The following COL8A1 variants were observed in gnomAD, a reference collection of about 807,000 sequenced individuals.
COL8A1 encodes the protein collagen type VIII alpha 1 chain.
In COL8A1, 21 loss-of-function variants were observed where a neutral mutation model predicts 42.7. The observed-to-expected ratio is 0.49, with a 90% CI of 0.35 to 0.71. The LOEUF (loss-of-function observed/expected upper bound fraction) is 0.71, where lower values mean the gene tolerates loss of function less well. COL8A1 is among the 30% of genes least tolerant of loss of function. The pLI is 0.01. For synonymous variants in COL8A1, 367 were observed against 369.1 expected, an observed-to-expected ratio of 0.99 and a Z score of 0.06; for missense variants, 788 against 962.4, an observed-to-expected ratio of 0.82 and a Z score of 2.40.
At chr3:99,725,838 A>C (rs1259183093) in intron 1 of COL8A1, among the ~76,000 whole-genome samples, 4 of 151,864 alleles carry the variant, frequency 2.6e-5, no homozygotes, top group African/African-American at 9.7e-5. Context: ...GGTTGGTTCC[A>C]AGTCTTTGCT....
At position 99,718,452 on chromosome 3, in the gene COL8A1, C is replaced by A. The variant is rs979819827; in HGVS notation, c.-128-26445C>A. On this transcript the variant is annotated intron_variant, in intron 1 of 3. Coordinates refer to ENST00000652472, the MANE Select transcript of COL8A1 (RefSeq NM_020351.4). ...GGAATCCTCAATGCTAATACAAAAA[C>A]TGAAAACTGGCAAGTTTGATTGAGG... 7.9e-5 allele frequency among the ~76,000 whole-genome samples: 12 copies of A among 152,104 alleles called. 1 individual carries two copies. In the South Asian group the frequency reaches 2.5e-3, roughly 32 times the overall value.
chr3:99,644,143 A>C (rs999312747), intron 1 of COL8A1, among the ~76,000 whole-genome samples: 6 of 152,320 alleles, frequency 3.9e-5, no homozygotes, highest in African/African-American at 1.4e-4. Flanking sequence ...AGCATTGTCC[A>C]AAACCAGACC....
intron 1 of COL8A1, among the ~76,000 whole-genome samples, chr3:99,664,966 T>C (rs1938319227): frequency 6.6e-6 from 1 of 152,158 alleles, no homozygotes; most frequent in Non-Finnish European, 1.5e-5. Context: ...AGATGCCAGG[T>C]CCCACCTGCA....
intron 1 of COL8A1, among the ~76,000 whole-genome samples, chr3:99,656,783 G>C (rs770357287): frequency 1.3e-5 from 2 of 152,182 alleles, no homozygotes; most frequent in Non-Finnish European, 1.5e-5. Flanking sequence ...TAAAAAACTA[G>C]TAGTTAAGCT....
At chr3:99,716,369 T>G (rs1235858903) in intron 1 of COL8A1, among the ~76,000 whole-genome samples, 1 of 151,990 alleles carries the variant, frequency 6.6e-6, no homozygotes, top group African/African-American at 2.4e-5. Context: ...TCGAGGCAGT[T>G]GCACTGGAAA....
At chr3:99,722,509 A>T (rs1006981086) in intron 1 of COL8A1, among the ~76,000 whole-genome samples, 3 of 152,162 alleles carry the variant, frequency 2.0e-5, no homozygotes, top group Non-Finnish European at 4.4e-5. Context: ...TTGAAAATTA[A>T]TTTAGAAGTT....
chr3:99,648,697 G>A (rs531773156), intron 1 of COL8A1, among the ~76,000 whole-genome samples: 1 of 152,208 alleles, frequency 6.6e-6, no homozygotes, highest in Admixed American at 6.5e-5. Flanking sequence ...CATTCTTAAG[G>A]CAATAGAAAT....
In COL8A1 at chr3:99,794,547, C is replaced by G. The variant is rs776991371; in HGVS notation, c.646C>G (p.Pro216Ala). 4 of 1,613,958 alleles carry G rather than the reference C, an allele frequency of 2.5e-6. No individual in the cohort carries two copies. The highest frequency in any genetic ancestry group is 2.5e-6 in the Non-Finnish European group (3 of 1,179,948). Reference protein sequence around the residue: ...GIGKPGGPGLPGQPGPKGDRG... With the variant: ...GIGKPGGPGLAGQPGPKGDRG... ...TGGGAAGCCAGGTGGGCCAGGGTTA[C>G]CAGGGCAACCAGGACCAAAGGGTGA... The change falls in exon 4 of 4, where the codon CCA (proline) becomes GCA (alanine). Residue 216 changes from proline to alanine, a missense_variant. By Grantham distance (27) the Pro-to-Ala change is conservative. This residue lies in a region of COL8A1 where 421 missense variants were observed against 553.1 expected (regional missense o/e 0.76). Coordinates refer to ENST00000652472, the MANE Select transcript of COL8A1 (RefSeq NM_020351.4). The surrounding 1 kb of genome is among the most constrained non-coding windows in gnomAD (Gnocchi z 4.3).
chr3:99,733,251 A>G (rs1208443528), intron 1 of COL8A1, among the ~76,000 whole-genome samples: 1 of 148,370 alleles, frequency 6.7e-6, no homozygotes, highest in Non-Finnish European at 1.5e-5. Context: ...GCACCCACTA[A>G]CTCATCATCT....
chr3:99,725,670 G>A (rs1940293318), intron 1 of COL8A1, among the ~76,000 whole-genome samples: 1 of 147,604 alleles, frequency 6.8e-6, no homozygotes, highest in Non-Finnish European at 1.5e-5. Flanking sequence ...GTGGTGTTTG[G>A]TTTCTTTCCT....
intron 1 of COL8A1, among the ~76,000 whole-genome samples, chr3:99,675,273 C>A (rs1938659400): frequency 6.6e-6 from 1 of 151,970 alleles, no homozygotes; most frequent in African/African-American, 2.4e-5. Context: ...CAATGGCTAT[C>A]TTTCCTTCCT....
At chr3:99,713,491 C>A (rs1939904424) in intron 1 of COL8A1, among the ~76,000 whole-genome samples, 1 of 152,070 alleles carries the variant, frequency 6.6e-6, no homozygotes, top group African/African-American at 2.4e-5. Context: ...TGGTTTAGCA[C>A]CTCCTAAAAC....
chr3:99,682,659 A>G (rs544222804), intron 1 of COL8A1, among the ~76,000 whole-genome samples: 2 of 151,890 alleles, frequency 1.3e-5, no homozygotes, highest in East Asian at 1.9e-4. Flanking sequence ...AGAGTTGTAG[A>G]AAGATCATAG....
At chr3:99,773,892 G>A (rs1344408212) in intron 2 of COL8A1, among the ~76,000 whole-genome samples, 4 of 131,306 alleles carry the variant, frequency 3.0e-5, no homozygotes, top group Admixed American at 1.7e-4. Context: ...TCACCCAGGC[G>A]GGAATGTAGT....
chr3:99,682,602 A>G lies in COL8A1; in HGVS notation c.-129+43938A>G, dbSNP rs944417338. ...ACTTTTATGTTCAGAATTAAGTAAA[A>G]GGAATGTGAAATTAAAAAAAAAAAA... On this transcript the variant is annotated intron_variant, in intron 1 of 3. Transcript: ENST00000652472. Among the ~76,000 whole-genome samples the G allele has an allele frequency of 4.0e-5, 6 of 149,760 alleles. No homozygotes were observed. The South Asian group carries it at 8.4e-4, about 21-fold the overall frequency.
At chr3:99,658,267 AC>A (rs1437815754) in intron 1 of COL8A1, among the ~76,000 whole-genome samples, 11 of 151,818 alleles carry the variant, frequency 7.2e-5, no homozygotes, top group African/African-American at 2.4e-4. Flanking sequence ...CACCAGCCCC[AC>A]CCTGCACTAC....
intron 2 of COL8A1, 80 bp from the exon 3 acceptor site, chr3:99,790,599 TC>T: frequency 1.8e-6 from 2 of 1,119,984 alleles, no homozygotes; most frequent in South Asian, 1.5e-5. Flanking sequence ...CCCTTTTTTT[TC>T]CCCATTCTAT....
chr3:99,735,957 C>T (rs1212353703), intron 1 of COL8A1, among the ~76,000 whole-genome samples: 1 of 152,036 alleles, frequency 6.6e-6, no homozygotes, highest in Admixed American at 6.5e-5. Flanking sequence ...TTGTAGTATT[C>T]TCTGATGGTA....
In COL8A1 at chr3:99,796,112, A is replaced by G; in HGVS notation, c.2211A>G (p.Ser737=). ...GGCAGTATGTCCACTCCTCCTTTTC[A>G]GGATATTTATTGTATCCCATGTAAA... is the stretch of plus-strand genomic sequence containing the variant. The part of the protein sequence containing the change: ...YAGQYVHSSF[S]GYLLYPM The change falls in exon 4 of 4, where the codon TCA becomes TCG. Residue 737 remains serine (S), a synonymous_variant. Coordinates refer to ENST00000652472, the MANE Select transcript of COL8A1 (RefSeq NM_020351.4). The G allele has an allele frequency of 6.5e-7, 1 of 1,529,290 alleles. No individual in the cohort carries two copies. The highest frequency in any genetic ancestry group is 8.8e-7 in the Non-Finnish European group (1 of 1,136,628). The allele number at this position is 1,529,290 out of a possible 1,614,324, so 94.7% of individuals were successfully genotyped here.
Sources: gnomAD v4.1 joint callset for allele counts (sites outside exome capture counted in the v4.1 genomes callset) on GRCh38, gnomAD v4.1.1 for gene constraint, gnomAD v4.1.1 regional missense constraint, Gnocchi (gnomAD v3.1) non-coding constraint, MANE v1.5 for transcripts, NCBI Gene and HGNC (gene_info 2026-07-23, HGNC 2026-07-21) for gene names.